The following ABCB7 variants were observed in gnomAD, a reference collection of about 807,000 sequenced individuals.
ABCB7 encodes the protein ATP binding cassette subfamily B member 7.
ABCB7 carries 7 observed loss-of-function variants against 54.4 expected under a neutral mutation model. The ratio of observed to expected loss-of-function variants is 0.13; its 90% CI spans 0.07 to 0.24. The LOEUF is 0.24. ABCB7 is among the 10% of genes least tolerant of loss of function. The pLI, the probability that ABCB7 is intolerant of heterozygous loss-of-function variation, is 1.00. For synonymous variants in ABCB7, 218 were observed against 207.1 expected (o/e 1.05, Z -0.45); for missense variants, 356 against 570.4 (o/e 0.62, Z 3.83).
chrX:75,099,186 G>T, intron 3 of ABCB7, 125 bp from the exon 4 acceptor site: 1 of 783,349 alleles, frequency 1.3e-6, no homozygotes, highest in Non-Finnish European at 1.8e-6. Flanking sequence ...CTTTTATTCT[G>T]AATCTAAGGC....
chrX:75,112,750 G>GTTTTT, intron 3 of ABCB7, 136 bp downstream of exon 3: 1 of 389,787 alleles, frequency 2.6e-6, no homozygotes, highest in Non-Finnish European at 4.5e-6. Flanking sequence ...CAATTAATAT[G>GTTTTT]TTTTTTTTTT....
intron 3 of ABCB7, among the ~76,000 whole-genome samples, chrX:75,099,806 C>A (rs1414590562): frequency 9.2e-6 from 1 of 108,746 alleles, no homozygotes; most frequent in Non-Finnish European, 1.9e-5. Flanking sequence ...ATTGGCAAAA[C>A]AATCCCCATT....
intron 4 of ABCB7, among the ~76,000 whole-genome samples, chrX:75,091,322 A>G (rs906922909): frequency 3.6e-5 from 4 of 111,547 alleles, no homozygotes; most frequent in African/African-American, 9.7e-5. Flanking sequence ...AATGTAATCC[A>G]TCACATCAAC....
chrX:75,155,089 C>A lies in ABCB7; in HGVS notation c.168+1016G>T, dbSNP rs760015990. 3.0e-4 allele frequency among the ~76,000 whole-genome samples: 34 copies of A among 112,778 alleles called. No homozygotes were observed. The South Asian group carries it at 0.012, about 40-fold the overall frequency. On this transcript the variant is annotated intron_variant, in intron 1 of 15. Coordinates refer to ENST00000373394, the MANE Select transcript of ABCB7 (RefSeq NM_001271696.3). ...TACATACTATTCATTTGCTAATTAACCCACCACTGTGTTTTTCAGTTATTT... is the reference window on the plus strand; with the variant it reads ...TACATACTATTCATTTGCTAATTAAACCACCACTGTGTTTTTCAGTTATTT...
At position 75,112,864 on chromosome X, in the gene ABCB7, GTTAC is replaced by G. The variant is rs765891947; in HGVS notation, c.333+18_333+21del. 1.8e-5 allele frequency: 21 copies of G among 1,156,079 alleles called. No homozygotes were observed. The African/African-American group carries it at 3.2e-4, about 18-fold the overall frequency. Reference sequence around the variant, plus strand: ...CAAGGACAATCATCAAGAATTTCCAGTTACTTGTTACTGGCTCTTACCCCTTCTT... The same window carrying G: ...CAAGGACAATCATCAAGAATTTCCAGTTGTTACTGGCTCTTACCCCTTCTT... On this transcript the variant is annotated intron_variant, in intron 3 of 15. Coordinates refer to ENST00000373394, the MANE Select transcript of ABCB7 (RefSeq NM_001271696.3).
intron 15 of ABCB7, 43 bp from the exon 16 acceptor site, chrX:75,053,628 A>G: frequency 8.6e-7 from 1 of 1,164,153 alleles, no homozygotes; most frequent in Non-Finnish European, 1.1e-6. Context: ...AGGTCATTTA[A>G]CTAGCATAAT....
chrX:75,120,696 AATGGC>A (rs904277255), intron 1 of ABCB7, among the ~76,000 whole-genome samples: 2 of 111,589 alleles, frequency 1.8e-5, no homozygotes, highest in African/African-American at 3.3e-5. Flanking sequence ...CTTTGACTGG[AATGGC>A]ATGCTTTCCT....
intron 8 of ABCB7, among the ~76,000 whole-genome samples, chrX:75,071,909 T>G (rs928640506): frequency 9.0e-6 from 1 of 111,368 alleles, no homozygotes; most frequent in African/African-American, 3.3e-5. Context: ...TACTGAATGC[T>G]TATCTAATTG....
At chrX:75,107,759 G>C (rs760952810) in intron 3 of ABCB7, among the ~76,000 whole-genome samples, 1 of 109,864 alleles carries the variant, frequency 9.1e-6, no homozygotes, top group South Asian at 3.9e-4. Context: ...GGTGAGACTC[G>C]GTACATTGCC....
chrX:75,074,759 A>G (rs1487349759), intron 6 of ABCB7, among the ~76,000 whole-genome samples: 1 of 111,508 alleles, frequency 9.0e-6, no homozygotes, highest in Non-Finnish European at 1.9e-5. Context: ...AAAATACCAC[A>G]TGTTCTCACT....
chrX:75,116,797 A>AT (rs775558267), intron 1 of ABCB7, among the ~76,000 whole-genome samples: 3 of 110,764 alleles, frequency 2.7e-5, no homozygotes, highest in Non-Finnish European at 5.7e-5. Context: ...GGTCGGCACA[A>AT]AATACAGGTC....
intron 4 of ABCB7, among the ~76,000 whole-genome samples, chrX:75,081,522 A>C (rs2081455510): frequency 8.9e-6 from 1 of 112,291 alleles, no homozygotes; most frequent in Non-Finnish European, 1.9e-5. Context: ...TCATATATTC[A>C]AGGCAAATGT....
In ABCB7 at chrX:75,075,663, T is replaced by C; in HGVS notation, c.587-33A>G. 2.6e-6 allele frequency: 3 copies of C among 1,165,395 alleles called. No homozygotes were observed. The East Asian group carries it at 9.0e-5, about 35-fold the overall frequency. The stretch of plus-strand genomic sequence containing the variant: ...TACATTCAAAAGAAAAAATAGGATG[T>C]AACAATATTAGAATCAAAGGAGTAT... On this transcript the variant is annotated intron_variant, in intron 5 of 15. Coordinates refer to ENST00000373394, the MANE Select transcript of ABCB7 (RefSeq NM_001271696.3).
At chrX:75,140,463 A>G (rs1286743593) in intron 1 of ABCB7, among the ~76,000 whole-genome samples, 1 of 111,007 alleles carries the variant, frequency 9.0e-6, no homozygotes, top group Non-Finnish European at 1.9e-5. Flanking sequence ...AGTACCAAAT[A>G]TTGAAACAAA....
chrX:75,112,824 C>A (rs1220014240), intron 3 of ABCB7, 62 bp downstream of exon 3: 4 of 884,750 alleles, frequency 4.5e-6, no homozygotes, highest in Non-Finnish European at 5.0e-6. Flanking sequence ...ATCTTAAATA[C>A]ATATATCTTC....
chrX:75,139,706 T>C (rs1474521834), intron 1 of ABCB7, among the ~76,000 whole-genome samples: 1 of 112,442 alleles, frequency 8.9e-6, no homozygotes, highest in East Asian at 2.8e-4. Flanking sequence ...TTCATAATGC[T>C]TCTCAGAGAA....
At chrX:75,145,087 C>T (rs1224109606) in intron 1 of ABCB7, among the ~76,000 whole-genome samples, 2 of 110,135 alleles carry the variant, frequency 1.8e-5, no homozygotes, top group Non-Finnish European at 3.8e-5. Context: ...TTACTTGAGG[C>T]AGTAATAAAC....
intron 1 of ABCB7, among the ~76,000 whole-genome samples, chrX:75,120,587 G>C (rs1274197314): frequency 1.8e-5 from 2 of 109,005 alleles, no homozygotes; most frequent in Admixed American, 1.0e-4. Context: ...GGGCAACAGA[G>C]TGAGACTTCA....
intron 4 of ABCB7, among the ~76,000 whole-genome samples, chrX:75,094,019 C>CATATACATATATATATAT (rs1555949284): frequency 2.2e-5 from 1 of 46,029 alleles, no homozygotes; most frequent in African/African-American, 9.3e-5. Flanking sequence ...CTGTTATATA[C>CATATACATATATATATAT]ATATATATAT....
Sources: allele counts gnomAD v4.1 joint callset (sites outside exome capture counted in the v4.1 genomes callset), GRCh38; gene constraint gnomAD v4.1.1; transcripts MANE v1.5; gene names NCBI Gene and HGNC (gene_info 2026-07-23, HGNC 2026-07-21).